The following WNK1 variants were observed in gnomAD, a reference collection of about 807,000 sequenced individuals.
The protein encoded by WNK1 is serine/threonine-protein kinase WNK1.
A neutral mutation model predicts 222.8 loss-of-function variants in WNK1; 38 were observed. The observed-to-expected ratio is 0.17, with a 90% CI of 0.13 to 0.22. The LOEUF (loss-of-function observed/expected upper bound fraction) is 0.22. Among genes scored for constraint, WNK1 ranks in the 10% least tolerant of loss-of-function variants. WNK1 has a pLI of 1.00. For synonymous variants in WNK1, 1,090 were observed against 1,092.9 expected (o/e 1.00, Z 0.05); for missense variants, 2,348 against 2,918.4 (o/e 0.80, Z 4.50).
At chr12:780,049 C>A (rs556040189) in intron 1 of WNK1, among the ~76,000 whole-genome samples, 2 of 152,084 alleles carry the variant, frequency 1.3e-5, no homozygotes, top group South Asian at 2.1e-4. Context: ...ATTTGAGGCA[C>A]CTTTTCTGGG....
chr12:859,141 T>G, intron 5 of WNK1, 104 bp from the exon 6 acceptor site: 1 of 1,014,760 alleles, frequency 9.9e-7, no homozygotes, highest in Non-Finnish European at 1.5e-6. Context: ...TTTTTTCCCA[T>G]TTTTTTCTTC....
chr12:850,073 G>A (rs912732562), intron 4 of WNK1, among the ~76,000 whole-genome samples: 3 of 152,140 alleles, frequency 2.0e-5, no homozygotes, highest in Non-Finnish European at 2.9e-5. Flanking sequence ...AATCCTTTGG[G>A]TATATACCCA....
At chr12:838,025 A>G (rs1049142410) in intron 4 of WNK1, among the ~76,000 whole-genome samples, 2 of 150,238 alleles carry the variant, frequency 1.3e-5, no homozygotes, top group Admixed American at 6.7e-5. Context: ...AGGTTCGTCC[A>G]TGTTGTAGCA....
chr12:859,634 T>TGTGTGTGTGTGG (rs777323797), intron 6 of WNK1, among the ~76,000 whole-genome samples, 170 bp downstream of exon 6: 5 of 12,934 alleles, frequency 3.9e-4, no homozygotes, highest in African/African-American at 1.2e-3. Flanking sequence ...GTGTGTGTGT[T>TGTGTGTGTGTGG]TTTTTTTTTT....
At chr12:886,247 T>C (rs942726679) in intron 19 of WNK1, among the ~76,000 whole-genome samples, 163 bp downstream of exon 19, 3 of 152,180 alleles carry the variant, frequency 2.0e-5, no homozygotes, top group African/African-American at 7.2e-5. Context: ...ATATCTACAA[T>C]GAACATGAGA....
intron 19 of WNK1, among the ~76,000 whole-genome samples, chr12:886,554 GAAAT>G (rs147056512): frequency 0.24 from 36,542 of 151,924 alleles, 4,438 homozygotes; most frequent in Middle Eastern, 0.28. Context: ...ATACAGAGGA[GAAAT>G]AAATAATCTA....
chr12:857,235 A>G lies in WNK1; in HGVS notation c.1386A>G (p.Gln462=), dbSNP rs1950855839. The G allele has an allele frequency of 6.2e-7, 1 of 1,614,206 alleles. No homozygotes were observed. Among genetic ancestry groups the G allele is most frequent in the South Asian group, 1.1e-5 (1 of 91,086 alleles). The part of the protein sequence containing the change: ...VKEIIEGCIR[Q]NKDERYSIKD... Reference sequence around the variant, plus strand: ...AAATTATTGAAGGATGCATACGACAAAACAAAGATGAAAGGTAAGTTGCCT... The same window carrying G: ...AAATTATTGAAGGATGCATACGACAGAACAAAGATGAAAGGTAAGTTGCCT... The change falls in exon 5 of 28, where the codon CAA becomes CAG. Residue 462 remains glutamine (Q), a synonymous_variant. Coordinates refer to ENST00000315939, the MANE Select transcript of WNK1 (RefSeq NM_018979.4).
chr12:814,260 C>T (rs547686365), intron 2 of WNK1, among the ~76,000 whole-genome samples: 11 of 149,824 alleles, frequency 7.3e-5, no homozygotes, highest in African/African-American at 2.5e-4. Context: ...ACCTAGGAGG[C>T]GGAGGTTGCA....
At position 896,604 on chromosome 12, in the gene WNK1, G is replaced by A. The variant is rs2154094778; in HGVS notation, c.6117G>A (p.Lys2039=). 1.2e-6 allele frequency: 2 copies of A among 1,609,336 alleles called. No individual in the cohort carries two copies. Among genetic ancestry groups the A allele is most frequent in the Non-Finnish European group, 1.7e-6 (2 of 1,177,624 alleles). ...SPHSPHQLSS[K]SLPSQNLSQS... ...ACTCGCCCCATCAGCTGAGCTCAAA[G>A]AGCCTTCCTAGCCAGAATCTAAGTC... Residue 2039 remains lysine (K), a synonymous_variant, in exon 24 of 28, where the codon AAG becomes AAA. Transcript: ENST00000315939.
intron 1 of WNK1, among the ~76,000 whole-genome samples, chr12:793,077 G>A (rs1054095615): frequency 6.6e-6 from 1 of 152,128 alleles, no homozygotes; most frequent in Non-Finnish European, 1.5e-5. Context: ...AGGCTAACAT[G>A]CTTCTATATG....
At chr12:865,332 C>A in intron 8 of WNK1, 1 of 1,536,126 alleles carries the variant, frequency 6.5e-7, no homozygotes, top group Non-Finnish European at 8.7e-7. Context: ...CAAGCACCGA[C>A]GCTCCAGCCT....
In WNK1 at chr12:753,992, C is replaced by T. The variant is rs772397148; in HGVS notation, c.427C>T (p.Pro143Ser). ...CCAGCAGCCTCCAGCCGCTGCCGCC[C>T]CTGGGGAACAGGCCGTCGCGGGCCC... ...VAQQPPAAAA[P>S]GEQAVAGPAP... The change falls in exon 1 of 28, where the codon CCT becomes TCT. Residue 143 changes from proline (P) to serine (S), a missense_variant. Pro to Ser is a moderately conservative substitution (Grantham distance 74, BLOSUM62 -1). Around this residue, in one of 13 missense-constraint regions of WNK1, gnomAD observed 185 missense variants for 159.2 expected, o/e 1.16. Coordinates refer to ENST00000315939, the MANE Select transcript of WNK1 (RefSeq NM_018979.4). This position sits in a 1 kb window ranked among gnomAD's most constrained non-coding sequence, Gnocchi z 5.2. 5 of 1,591,858 alleles carry T rather than the reference C, an allele frequency of 3.1e-6. No individual in the cohort carries two copies. In the South Asian group the frequency reaches 4.5e-5, roughly 14 times the overall value.
At chr12:817,092 A>C (rs796916884) in intron 2 of WNK1, among the ~76,000 whole-genome samples, 2 of 152,338 alleles carry the variant, frequency 1.3e-5, no homozygotes, top group African/African-American at 4.8e-5. Context: ...TTGAATTGAC[A>C]GGAATATTAA....
intron 1 of WNK1, among the ~76,000 whole-genome samples, chr12:773,609 G>T (rs1049956657): frequency 6.6e-6 from 1 of 152,142 alleles, no homozygotes; most frequent in African/African-American, 2.4e-5. Context: ...ATGTTTGCCT[G>T]TTCCTCCCTC....
At chr12:895,041 ATAAGT>A (rs60378595) in intron 23 of WNK1, among the ~76,000 whole-genome samples, 24,217 of 152,112 alleles carry the variant, frequency 0.16, 2,180 homozygotes, top group Admixed American at 0.22. Context: ...TTCCAACATA[ATAAGT>A]TAAGTAACAG....
intron 6 of WNK1, among the ~76,000 whole-genome samples, chr12:860,097 T>A (rs1485835073): frequency 6.6e-6 from 1 of 152,212 alleles, no homozygotes; most frequent in Non-Finnish European, 1.5e-5. Flanking sequence ...ACTAGTAGAA[T>A]GCATTCCGAA....
intron 27 of WNK1, 69 bp downstream of exon 27, chr12:908,103 C>T: frequency 6.4e-7 from 1 of 1,565,284 alleles, no homozygotes; most frequent in South Asian, 1.1e-5. Context: ...AACAACTAAG[C>T]TGCTGCTTAA....
At chr12:805,393 G>A (rs1317685236) in intron 1 of WNK1, among the ~76,000 whole-genome samples, 1 of 152,144 alleles carries the variant, frequency 6.6e-6, no homozygotes, top group African/African-American at 2.4e-5. Flanking sequence ...AAAAAGGACA[G>A]TTCTTTAATG....
intron 4 of WNK1, among the ~76,000 whole-genome samples, chr12:846,381 G>A (rs975833395): frequency 6.6e-6 from 1 of 152,194 alleles, no homozygotes; most frequent in Non-Finnish European, 1.5e-5. Context: ...ACCGTAGCAG[G>A]CAATGATATC....
Sources: allele counts gnomAD v4.1 joint callset (sites outside exome capture counted in the v4.1 genomes callset), GRCh38; gene constraint gnomAD v4.1.1; regional missense constraint gnomAD v4.1.1; non-coding constraint Gnocchi (gnomAD v3.1); transcripts MANE v1.5; gene names NCBI Gene and HGNC (gene_info 2026-07-23, HGNC 2026-07-21).